Variants in ADAM12 observed in about 807,000 individuals in gnomAD.
ADAM12 encodes the protein disintegrin and metalloproteinase domain-containing protein 12.
A neutral mutation model predicts 106.4 loss-of-function variants in ADAM12; 70 were observed. The ratio of observed to expected loss-of-function variants is 0.66; its 90% CI spans 0.54 to 0.80. The LOEUF (loss-of-function observed/expected upper bound fraction) is 0.80. Ranked by LOEUF, ADAM12 falls within the 30% of genes least tolerant of loss-of-function variation. The pLI, the probability that ADAM12 is intolerant of heterozygous loss-of-function variation, is 0.00. For missense variants in ADAM12, 1,010 were observed against 1,171.9 expected, an observed-to-expected ratio of 0.86 and a Z score of 2.02; for synonymous variants, 420 against 433.5, an observed-to-expected ratio of 0.97 and a Z score of 0.39.
intron 11 of ADAM12, among the ~76,000 whole-genome samples, chr10:126,086,222 G>A (rs753411194): frequency 3.9e-5 from 6 of 152,040 alleles, no homozygotes; most frequent in Non-Finnish European, 5.9e-5. Context: ...TCTGTACTGA[G>A]GCAGCTTTAG....
chr10:126,146,859 T>A (rs1044676340), intron 4 of ADAM12, among the ~76,000 whole-genome samples: 1 of 152,222 alleles, frequency 6.6e-6, no homozygotes, highest in Non-Finnish European at 1.5e-5. Context: ...TTACACTTGA[T>A]ACACTTATGA....
intron 3 of ADAM12, among the ~76,000 whole-genome samples, chr10:126,269,320 G>C (rs765921797): frequency 6.6e-6 from 1 of 152,176 alleles, no homozygotes; most frequent in Non-Finnish European, 1.5e-5. Context: ...GTCTAGGAAG[G>C]CAGCCCAGTA....
intron 3 of ADAM12, among the ~76,000 whole-genome samples, chr10:126,163,363 C>T (rs925548578): frequency 3.9e-5 from 6 of 152,176 alleles, no homozygotes; most frequent in Non-Finnish European, 7.3e-5. Context: ...AGACTCCCAT[C>T]CTTTTTGGCC....
chr10:126,149,421 G>A (rs1674907), intron 4 of ADAM12, among the ~76,000 whole-genome samples: 99,957 of 152,004 alleles, frequency 0.66, 33,107 homozygotes, highest in East Asian at 0.92. Flanking sequence ...AAGTGAGAAA[G>A]AAGGGGAAAA....
chr10:126,026,115 C>T (rs1182970476), intron 21 of ADAM12, among the ~76,000 whole-genome samples: 3 of 152,106 alleles, frequency 2.0e-5, no homozygotes, highest in African/African-American at 7.2e-5. Flanking sequence ...TGTGCAAAGA[C>T]ACACACAGGC....
At chr10:126,321,665 G>A (rs1314034299) in intron 2 of ADAM12, among the ~76,000 whole-genome samples, 1 of 152,192 alleles carries the variant, frequency 6.6e-6, no homozygotes, top group African/African-American at 2.4e-5. Flanking sequence ...TCCCTCGGAG[G>A]CAAGACAGAC....
chr10:126,285,171 C>T (rs1281988217), intron 2 of ADAM12, among the ~76,000 whole-genome samples: 2 of 152,152 alleles, frequency 1.3e-5, no homozygotes, highest in East Asian at 3.9e-4. Context: ...AGGACCACTT[C>T]CTATGGGATG....
At position 126,066,617 on chromosome 10, in the gene ADAM12, G is replaced by A; in HGVS notation, c.1413+100C>T. The A allele has an allele frequency of 8.7e-7, 1 of 1,155,938 alleles. No homozygotes were observed. Among genetic ancestry groups the A allele is most frequent in the Non-Finnish European group, 1.3e-6 (1 of 775,276 alleles). 71.6% of individuals were successfully genotyped at this position (1,155,938 alleles called of 1,614,324 possible). Reference sequence around the variant, plus strand: ...AGGGATGGTGCGTGCTGTGGTGAGTGCTGGGAAACCTTCCAGCCACACTGC... The same window carrying A: ...AGGGATGGTGCGTGCTGTGGTGAGTACTGGGAAACCTTCCAGCCACACTGC... On this transcript the variant is annotated intron_variant, in intron 13 of 22. Transcript: ENST00000448723. This position sits in a 1 kb window ranked among gnomAD's most constrained non-coding sequence, Gnocchi z 5.1.
At chr10:126,353,617 AG>A (rs1444768236) in intron 1 of ADAM12, among the ~76,000 whole-genome samples, 1 of 152,198 alleles carries the variant, frequency 6.6e-6, no homozygotes, top group Non-Finnish European at 1.5e-5. Flanking sequence ...TTTATTAAAG[AG>A]CTGAGTTTTA....
At chr10:126,017,904 A>G (rs997673190) in intron 22 of ADAM12, among the ~76,000 whole-genome samples, 6 of 152,336 alleles carry the variant, frequency 3.9e-5, no homozygotes, top group South Asian at 2.1e-4. Flanking sequence ...GCTTGAGGGC[A>G]TTTAAGAAAA....
At position 126,138,384 on chromosome 10, in the gene ADAM12, A is replaced by AT. The variant is rs534261484; in HGVS notation, c.340-2725dup. ...TTCTTAATTTTTATTTTATTTATTT[A>AT]TTTTTTTTGAGACAGAGCCTCGCTC... On this transcript the variant is annotated intron_variant, in intron 4 of 22. Coordinates refer to ENST00000448723, the MANE Select transcript of ADAM12 (RefSeq NM_001288973.2). 8.6e-5 allele frequency among the ~76,000 whole-genome samples: 13 copies of AT among 151,234 alleles called. No individual in the cohort carries two copies. In the East Asian group the frequency reaches 1.2e-3, roughly 14 times the overall value.
intron 21 of ADAM12, among the ~76,000 whole-genome samples, chr10:126,022,931 G>A (rs2138279): frequency 0.57 from 87,253 of 152,072 alleles, 26,788 homozygotes; most frequent in Non-Finnish European, 0.68. Flanking sequence ...ACATATTTCA[G>A]ATTTTTTAGA....
intron 16 of ADAM12, among the ~76,000 whole-genome samples, chr10:126,048,334 G>A (rs1954381769): frequency 6.6e-6 from 1 of 152,276 alleles, no homozygotes; most frequent in African/African-American, 2.4e-5. Flanking sequence ...AATATCAGAT[G>A]TCATTTTAAT....
chr10:126,019,831 A>G lies in ADAM12; in HGVS notation c.2530-6T>C, dbSNP rs903389293. 19 of 1,612,052 alleles carry G rather than the reference A, an allele frequency of 1.2e-5. No individual in the cohort carries two copies. Among genetic ancestry groups the G allele is most frequent in the Middle Eastern group, 1.6e-4 (1 of 6,062 alleles). ...GGGTTTGGCTTACAGGTCCCCTGCA[A>G]TAAACATAGGGTTAGGCAGGGTCAC... On this transcript the variant is annotated splice_region_variant and splice_polypyrimidine_tract_variant and intron_variant, in intron 21 of 22. Coordinates refer to ENST00000448723, the MANE Select transcript of ADAM12 (RefSeq NM_001288973.2).
At chr10:126,052,475 T>G (rs1412729372) in intron 14 of ADAM12, among the ~76,000 whole-genome samples, 1 of 152,244 alleles carries the variant, frequency 6.6e-6, no homozygotes, top group Admixed American at 6.5e-5. Flanking sequence ...TTGTGACCAC[T>G]TAAAAAATAC....
At chr10:126,056,233 T>C (rs931082020) in intron 14 of ADAM12, among the ~76,000 whole-genome samples, 2 of 152,232 alleles carry the variant, frequency 1.3e-5, no homozygotes, top group Non-Finnish European at 2.9e-5. Context: ...TGCCATATCA[T>C]ACTTTACCAC....
chr10:126,071,803 A>G (rs1954999158), intron 11 of ADAM12, 149 bp from the exon 12 acceptor site: 2 of 792,498 alleles, frequency 2.5e-6, no homozygotes, highest in Admixed American at 5.5e-5. Context: ...AAAAACTCAG[A>G]TATGCAGTGT....
chr10:126,360,062 C>T (rs946560350), intron 1 of ADAM12, among the ~76,000 whole-genome samples: 1 of 152,212 alleles, frequency 6.6e-6, no homozygotes, highest in East Asian at 1.9e-4. Flanking sequence ...CCAAGCTGCA[C>T]ATTGGCACCT....
At chr10:126,037,551 G>A (rs1331009864) in intron 20 of ADAM12, among the ~76,000 whole-genome samples, 2 of 152,100 alleles carry the variant, frequency 1.3e-5, no homozygotes, top group Non-Finnish European at 2.9e-5. Context: ...CTTGTTCACT[G>A]TTATAATTTG....
Sources: allele counts gnomAD v4.1 joint callset (sites outside exome capture counted in the v4.1 genomes callset), GRCh38; gene constraint gnomAD v4.1.1; non-coding constraint Gnocchi (gnomAD v3.1); transcripts MANE v1.5; gene names NCBI Gene and HGNC (gene_info 2026-07-23, HGNC 2026-07-21).